BMPER: variants seen among roughly 807,000 people sequenced by gnomAD.
BMPER encodes BMP binding endothelial regulator.
A neutral mutation model predicts 87.3 loss-of-function variants in BMPER; 45 were observed. The ratio of observed to expected loss-of-function variants is 0.52; its 90% CI spans 0.41 to 0.66. BMPER has a LOEUF of 0.66. BMPER is among the 30% of genes least tolerant of loss of function. The probability of loss-of-function intolerance (pLI) is 0.00; values close to 1 mark genes in which losing one functional copy is unlikely to be tolerated. For synonymous variants in BMPER, 326 were observed against 316.2 expected, an observed-to-expected ratio of 1.03 and a Z score of -0.33; for missense variants, 784 against 867.5, an observed-to-expected ratio of 0.90 and a Z score of 1.21.
intron 6 of BMPER, among the ~76,000 whole-genome samples, chr7:34,028,568 T>C: frequency 6.7e-6 from 1 of 148,608 alleles, no homozygotes; most frequent in East Asian, 2.0e-4. Context: ...AGAATTCATA[T>C]CTAGTTTACA....
At chr7:34,124,756 A>T (rs1042219616) in intron 13 of BMPER, among the ~76,000 whole-genome samples, 1 of 152,106 alleles carries the variant, frequency 6.6e-6, no homozygotes, top group Non-Finnish European at 1.5e-5. Context: ...CATACCTCTG[A>T]TATTTCATTG....
rs1445618294 is a variant in BMPER at position 34,058,049 on chromosome 7, T to C, written c.928-10T>C. 2 of 1,613,246 alleles carry C rather than the reference T, an allele frequency of 1.2e-6. No individual in the cohort carries two copies. Reference sequence around the variant, plus strand: ...CAGCTGCTGACAGGATCCTGTGCCCTCTCTTGTAGGATGGAGAGATGTGGT... The same window carrying C: ...CAGCTGCTGACAGGATCCTGTGCCCCCTCTTGTAGGATGGAGAGATGTGGT... On this transcript the variant is annotated splice_polypyrimidine_tract_variant and intron_variant, in intron 9 of 14. Transcript: ENST00000649409.
intron 1 of BMPER, 26 bp from the exon 2 acceptor site, chr7:33,906,791 GA>G: frequency 1.3e-6 from 2 of 1,590,430 alleles, no homozygotes; most frequent in Non-Finnish European, 1.7e-6. Flanking sequence ...AACTTTAAAT[GA>G]AACATTTTTC....
chr7:34,015,731 G>C (rs1278893357), intron 6 of BMPER, among the ~76,000 whole-genome samples: 1 of 151,896 alleles, frequency 6.6e-6, no homozygotes, highest in Non-Finnish European at 1.5e-5. Context: ...TCTGTTGATG[G>C]AGCCCTCAAA....
intron 13 of BMPER, among the ~76,000 whole-genome samples, chr7:34,095,362 T>C (rs1299116712): frequency 1.3e-5 from 2 of 152,210 alleles, no homozygotes; most frequent in Admixed American, 1.3e-4. Flanking sequence ...ATGAGTATAA[T>C]TTAATTTTAT....
chr7:34,121,102 A>G (rs913542383), intron 13 of BMPER, among the ~76,000 whole-genome samples: 3 of 151,810 alleles, frequency 2.0e-5, no homozygotes, highest in East Asian at 3.9e-4. Flanking sequence ...GTATTATGTT[A>G]CTAAAATAAT....
rs12668608 is a variant in BMPER at position 33,948,894 on chromosome 7, G to A, written c.319+11506G>A. On this transcript the variant is annotated intron_variant, in intron 3 of 14. Transcript: ENST00000649409. ...TGTGAGATAAGCAGGAAGGAGGAGA[G>A]ATGAGTTGTGATGGCTCTAGAGATA... 0.012 allele frequency among the ~76,000 whole-genome samples: 1,770 copies of A among 152,254 alleles called. 78 individuals carry two copies. The East Asian group carries it at 0.16, about 14-fold the overall frequency.
chr7:34,134,510 A>G (rs1790671380), intron 13 of BMPER, among the ~76,000 whole-genome samples: 1 of 152,102 alleles, frequency 6.6e-6, no homozygotes, highest in Non-Finnish European at 1.5e-5. Context: ...CAATTCAGCA[A>G]AAGTCTGTTA....
At chr7:33,987,245 G>C (rs1786035658) in intron 6 of BMPER, among the ~76,000 whole-genome samples, 1 of 151,976 alleles carries the variant, frequency 6.6e-6, no homozygotes, top group East Asian at 1.9e-4. Context: ...TGCTCCTGTG[G>C]GCCTGTGAAT....
chr7:34,089,329 A>C (rs184754527), intron 13 of BMPER, among the ~76,000 whole-genome samples: 181 of 152,320 alleles, frequency 1.2e-3, no homozygotes, highest in African/African-American at 4.0e-3. Flanking sequence ...TTCTGAGAAA[A>C]TATTACCCAT....
rs764627514 is a variant in BMPER at position 34,079,093 on chromosome 7, C to T, written c.1315C>T (p.Arg439Cys). Residue 439 changes from arginine (R) to cysteine (C), a missense_variant, in exon 12 of 15, where the codon CGC (arginine) becomes TGC (cysteine). Transcript: ENST00000649409. ...CAGCCTGCAGCAGCACCTCACCGTGCGCTGGAACGGCTCGCGCATCGCGCT... is the reference window on the plus strand; with the variant it reads ...CAGCCTGCAGCAGCACCTCACCGTGTGCTGGAACGGCTCGCGCATCGCGCT... Reference protein sequence around the residue: ...RVSLQQHLTVRWNGSRIALPC... With the variant: ...RVSLQQHLTVCWNGSRIALPC... The T allele has an allele frequency of 1.4e-5, 22 of 1,613,894 alleles. No individual in the cohort carries two copies. Among genetic ancestry groups the T allele is most frequent in the Non-Finnish European group, 1.6e-5 (19 of 1,179,980 alleles).
chr7:34,153,402 A>T lies in BMPER; in HGVS notation c.*129A>T, dbSNP rs961172250. 3.2e-4 allele frequency: 258 copies of T among 809,952 alleles called. No individual in the cohort carries two copies. The highest frequency in any genetic ancestry group is 4.7e-4 in the Non-Finnish European group (235 of 503,450). The allele number at this position is 809,952 out of a possible 1,614,324, so 50.2% of individuals were successfully genotyped here. On this transcript the variant is annotated 3_prime_UTR_variant, in exon 15 of 15. Transcript: ENST00000649409. ...ACACACACAGAGTATATATGTGTAT[A>T]TATATATAGATATATTCAAAAACAT...
intron 7 of BMPER, among the ~76,000 whole-genome samples, chr7:34,047,234 G>A (rs1016690962): frequency 6.6e-6 from 1 of 151,856 alleles, no homozygotes; most frequent in Non-Finnish European, 1.5e-5. Context: ...AGGTTCTTTG[G>A]CTTTTGCTTA....
At chr7:33,907,042 T>C (rs1585622796) in intron 2 of BMPER, 139 bp downstream of exon 2, 1 of 827,094 alleles carries the variant, frequency 1.2e-6, no homozygotes, top group African/African-American at 1.7e-5. Flanking sequence ...AGTTTGTGAG[T>C]TGAATCCAGT....
At chr7:34,138,325 C>T (rs561454789) in intron 13 of BMPER, among the ~76,000 whole-genome samples, 3 of 152,214 alleles carry the variant, frequency 2.0e-5, no homozygotes, top group South Asian at 2.1e-4. Flanking sequence ...ACTACCGTGC[C>T]GAGTGCTATG....
intron 6 of BMPER, among the ~76,000 whole-genome samples, chr7:34,007,347 A>G (rs748045362): frequency 1.6e-4 from 24 of 152,022 alleles, no homozygotes; most frequent in Admixed American, 1.5e-3. Flanking sequence ...AAGGGATTTC[A>G]CATGCACATG....
At position 34,104,269 on chromosome 7, in the gene BMPER, A is replaced by AT. The variant is rs1789759915; in HGVS notation, c.1745+18177_1745+18178insT. ...ACTAATTCCATTTGGCCTTAGATAT[A>AT]CTACCGTGATTCCTCTCTATGACAG... On this transcript the variant is annotated intron_variant, in intron 13 of 14. Coordinates refer to ENST00000649409, the MANE Select transcript of BMPER (RefSeq NM_001365308.1). Among the ~76,000 whole-genome samples the AT allele has an allele frequency of 2.0e-5, 3 of 152,240 alleles. No homozygotes were observed. In the South Asian group the frequency reaches 6.2e-4, roughly 32 times the overall value.
intron 11 of BMPER, among the ~76,000 whole-genome samples, chr7:34,076,829 C>T (rs1788877213): frequency 6.6e-6 from 1 of 152,026 alleles, no homozygotes. Context: ...GTGCCTGCTC[C>T]CCACTGAGAG....
At chr7:34,148,942 G>A (rs1172597503) in intron 14 of BMPER, among the ~76,000 whole-genome samples, 2 of 152,218 alleles carry the variant, frequency 1.3e-5, no homozygotes, top group Non-Finnish European at 2.9e-5. Flanking sequence ...TCTGAAAGCA[G>A]CGGAGTGGAA....
Sources: allele counts gnomAD v4.1 joint callset (sites outside exome capture counted in the v4.1 genomes callset), GRCh38; gene constraint gnomAD v4.1.1; transcripts MANE v1.5; gene names NCBI Gene and HGNC (gene_info 2026-07-23, HGNC 2026-07-21).